Variants in TBCA observed in about 807,000 individuals in gnomAD.
The protein encoded by TBCA is tubulin-specific chaperone A.
A neutral mutation model predicts 15.8 loss-of-function variants in TBCA; 6 were observed. The ratio of observed to expected loss-of-function variants is 0.38; its 90% CI spans 0.21 to 0.75. TBCA has a LOEUF of 0.75. TBCA is among the 30% of genes least tolerant of loss of function. TBCA has a pLI of 0.46. For synonymous variants in TBCA, 32 were observed against 42.3 expected (o/e 0.76, Z 0.94); for missense variants, 90 against 131.2 (o/e 0.69, Z 1.53).
chr5:77,747,227 T>C (rs1394259964), intron 1 of TBCA, among the ~76,000 whole-genome samples: 1 of 151,978 alleles, frequency 6.6e-6, no homozygotes. Context: ...CTAAAAAATC[T>C]GGGAAAATTC....
At chr5:77,763,045 C>G (rs1347314901) in intron 1 of TBCA, among the ~76,000 whole-genome samples, 1 of 152,106 alleles carries the variant, frequency 6.6e-6, no homozygotes, top group African/African-American at 2.4e-5. Context: ...AGATAGAGAC[C>G]ATCCTGGATA....
chr5:77,759,422 GGTATGTGC>G (rs1747552546), intron 1 of TBCA, among the ~76,000 whole-genome samples: 1 of 152,110 alleles, frequency 6.6e-6, no homozygotes, highest in African/African-American at 2.4e-5. Context: ...GGTATAATGA[GGTATGTGC>G]GACTCCTACT....
At chr5:77,774,749 T>A (rs1252573846) in intron 1 of TBCA, among the ~76,000 whole-genome samples, 2 of 152,228 alleles carry the variant, frequency 1.3e-5, no homozygotes, top group African/African-American at 4.8e-5. Flanking sequence ...CACAGGCATA[T>A]CCTTAACCTT....
chr5:77,763,940 T>C (rs888588563), intron 1 of TBCA, among the ~76,000 whole-genome samples: 2 of 152,128 alleles, frequency 1.3e-5, no homozygotes, highest in African/African-American at 2.4e-5. Flanking sequence ...AACAAGAATG[T>C]ACATAGAAAC....
intron 1 of TBCA, among the ~76,000 whole-genome samples, chr5:77,753,089 T>C (rs1747391510): frequency 6.6e-6 from 1 of 152,142 alleles, no homozygotes; most frequent in Admixed American, 6.5e-5. Context: ...ACTGAAAACA[T>C]GTTCTACACT....
chr5:77,703,899 C>T (rs562551843), intron 2 of TBCA, among the ~76,000 whole-genome samples: 1 of 151,566 alleles, frequency 6.6e-6, no homozygotes, highest in Non-Finnish European at 1.5e-5. Context: ...ATTATAGGGG[C>T]GGTTTCCTAT....
chr5:77,756,500 G>A (rs1480124396), intron 1 of TBCA, among the ~76,000 whole-genome samples: 1 of 151,986 alleles, frequency 6.6e-6, no homozygotes, highest in East Asian at 1.9e-4. Context: ...TGACTTTTCA[G>A]TTTCTCAGGT....
At chr5:77,764,449 A>G (rs1054907102) in intron 1 of TBCA, among the ~76,000 whole-genome samples, 1 of 152,232 alleles carries the variant, frequency 6.6e-6, no homozygotes, top group African/African-American at 2.4e-5. Context: ...CAGTAACCAA[A>G]GAAAGAAAAT....
At chr5:77,770,745 A>C (rs1322620417) in intron 1 of TBCA, among the ~76,000 whole-genome samples, 1 of 152,078 alleles carries the variant, frequency 6.6e-6, no homozygotes, top group Non-Finnish European at 1.5e-5. Flanking sequence ...AAAAGAAAAA[A>C]AACAAAGAGC....
At chr5:77,753,770 TTTTG>T (rs1747410890) in intron 1 of TBCA, among the ~76,000 whole-genome samples, 1 of 152,170 alleles carries the variant, frequency 6.6e-6, no homozygotes, top group African/African-American at 2.4e-5. Flanking sequence ...ACATAATATT[TTTTG>T]TTTGTTTTCA....
chr5:77,702,418 A>G (rs1746038222), intron 2 of TBCA, among the ~76,000 whole-genome samples: 1 of 152,208 alleles, frequency 6.6e-6, no homozygotes, highest in African/African-American at 2.4e-5. Context: ...GAAAAAGCCA[A>G]TTTTAAAAGG....
At chr5:77,695,079 C>A (rs1024984873) in intron 2 of TBCA, among the ~76,000 whole-genome samples, 1 of 152,010 alleles carries the variant, frequency 6.6e-6, no homozygotes, top group African/African-American at 2.4e-5. Context: ...CCTTCAGAAT[C>A]GTTACAGGAA....
chr5:77,728,895 C>T (rs1166932732), intron 1 of TBCA, among the ~76,000 whole-genome samples: 1 of 151,996 alleles, frequency 6.6e-6, no homozygotes, highest in African/African-American at 2.4e-5. Context: ...GTTTCTAGTT[C>T]TCAGGCTCAC....
At chr5:77,725,040 C>T (rs1004939479) in intron 1 of TBCA, among the ~76,000 whole-genome samples, 4 of 151,252 alleles carry the variant, frequency 2.6e-5, no homozygotes, top group Non-Finnish European at 4.4e-5. Flanking sequence ...CAATATTATA[C>T]AGTTAGCCCA....
At chr5:77,712,965 CAT>C (rs1491177936) in intron 1 of TBCA, among the ~76,000 whole-genome samples, 1 of 152,074 alleles carries the variant, frequency 6.6e-6, no homozygotes, top group East Asian at 1.9e-4. Flanking sequence ...TTTCTCTCAA[CAT>C]GTGTGTGTGA....
chr5:77,744,605 G>A (rs911515846), intron 1 of TBCA, among the ~76,000 whole-genome samples: 6 of 133,946 alleles, frequency 4.5e-5, no homozygotes, highest in Non-Finnish European at 7.6e-5. Context: ...GCGCGATCTC[G>A]GCTCACTGCA....
In TBCA at chr5:77,752,861, G is replaced by A. The variant is rs963185563; in HGVS notation, c.53+23344C>T. Among the ~76,000 whole-genome samples the A allele has an allele frequency of 4.0e-5, 6 of 151,500 alleles. 3 individuals are homozygous for A. The highest frequency in any genetic ancestry group is 8.8e-5 in the Non-Finnish European group (6 of 67,888). On this transcript the variant is annotated intron_variant, in intron 1 of 3. Transcript: ENST00000380377. Reference sequence around the variant, plus strand: ...GCGTGAGCCACCGCGCCCGGCCTCCGGCTTATTTTTAATAGAGACGGAGTT... The same window carrying A: ...GCGTGAGCCACCGCGCCCGGCCTCCAGCTTATTTTTAATAGAGACGGAGTT...
rs1298571534 is a variant in TBCA at position 77,691,208 on chromosome 5, A to G, written c.*210T>C. 5.9e-6 allele frequency: 3 copies of G among 509,606 alleles called. No homozygotes were observed. The highest frequency in any genetic ancestry group is 1.0e-5 in the Non-Finnish European group (3 of 290,478). The allele number at this position is 509,606 out of a possible 1,614,324, so 31.6% of individuals were successfully genotyped here. On this transcript the variant is annotated 3_prime_UTR_variant, in exon 4 of 4. Coordinates refer to ENST00000380377, the MANE Select transcript of TBCA (RefSeq NM_004607.3). ...TATGTGGTTTAATGATAAAAGGTTA[A>G]TTTAAAAATTTTGTAAAGTATAAAA...
intron 1 of TBCA, among the ~76,000 whole-genome samples, chr5:77,730,104 T>C (rs1051447847): frequency 2.0e-5 from 3 of 152,236 alleles, no homozygotes; most frequent in Non-Finnish European, 4.4e-5. Context: ...CTTAAGACTA[T>C]ATTCAGCTGA....
Sources: gnomAD v4.1 joint callset for allele counts (sites outside exome capture counted in the v4.1 genomes callset) on GRCh38, gnomAD v4.1.1 for gene constraint, MANE v1.5 for transcripts, NCBI Gene and HGNC (gene_info 2026-07-23, HGNC 2026-07-21) for gene names.